The following FOXP1 variants were observed in gnomAD, a reference collection of about 807,000 sequenced individuals.
The protein encoded by FOXP1 is forkhead box protein P1.
Under a neutral mutation model 98.2 loss-of-function variants are expected in FOXP1, and 15 were observed. That is an observed-to-expected ratio of 0.15 (90% CI 0.10 to 0.24). FOXP1 has a LOEUF of 0.24. Ranked by LOEUF, FOXP1 falls within the 10% of genes least tolerant of loss-of-function variation. The probability of loss-of-function intolerance (pLI) is 1.00; values close to 1 mark genes in which losing one functional copy is unlikely to be tolerated. For missense variants in FOXP1, 633 were observed against 848.5 expected (o/e 0.75, Z 3.15); for synonymous variants, 371 against 314.5 (o/e 1.18, Z -1.90).
intron 13 of FOXP1, among the ~76,000 whole-genome samples, chr3:70,994,427 C>T (rs1216679310): frequency 6.6e-6 from 1 of 152,280 alleles, no homozygotes; most frequent in Non-Finnish European, 1.5e-5. Flanking sequence ...CTTCCACTAT[C>T]CTTTCTTCCT....
intron 4 of FOXP1, among the ~76,000 whole-genome samples, chr3:71,336,010 C>CAAAAAAAA (rs60051890): frequency 5.9e-5 from 2 of 34,088 alleles, no homozygotes; most frequent in African/African-American, 2.9e-4. Context: ...AACTCCATCT[C>CAAAAAAAA]AAAAAAAAAA....
At chr3:71,227,914 A>G (rs970619206) in intron 5 of FOXP1, among the ~76,000 whole-genome samples, 2 of 136,944 alleles carry the variant, frequency 1.5e-5, no homozygotes, top group African/African-American at 5.6e-5. Flanking sequence ...GCTAAAATGA[A>G]TAACTATATT....
At chr3:71,526,504 G>A (rs1038481259) in intron 2 of FOXP1, among the ~76,000 whole-genome samples, 2 of 152,168 alleles carry the variant, frequency 1.3e-5, no homozygotes, top group African/African-American at 4.8e-5. Flanking sequence ...AATATAGTAA[G>A]GGAATTCCAT....
chr3:70,963,233 A>T (rs1421864265), intron 20 of FOXP1, among the ~76,000 whole-genome samples: 1 of 152,210 alleles, frequency 6.6e-6, no homozygotes, highest in Non-Finnish European at 1.5e-5. Flanking sequence ...AACAAATGTT[A>T]ACTGGCTAGA....
chr3:70,960,408 C>T lies in FOXP1; in HGVS notation c.1890-1017G>A, dbSNP rs898992139. On this transcript the variant is annotated intron_variant, in intron 20 of 20. Transcript: ENST00000649528. ...TGCCAACTTTCTCATTATGGACCAGCGCATGGTTCACCCAAAGGGGACTGG... is the reference window on the plus strand; with the variant it reads ...TGCCAACTTTCTCATTATGGACCAGTGCATGGTTCACCCAAAGGGGACTGG... Among the ~76,000 whole-genome samples, 13 of 152,246 alleles carry T rather than the reference C, an allele frequency of 8.5e-5. No homozygotes were observed. In the South Asian group the frequency reaches 2.3e-3, roughly 27 times the overall value.
chr3:71,031,484 G>T (rs1484715350), intron 11 of FOXP1, among the ~76,000 whole-genome samples: 1 of 152,162 alleles, frequency 6.6e-6, no homozygotes, highest in Non-Finnish European at 1.5e-5. Flanking sequence ...GCCTCCTGGT[G>T]AATTTTCCAA....
intron 5 of FOXP1, among the ~76,000 whole-genome samples, chr3:71,205,181 G>A (rs1273042949): frequency 6.6e-6 from 1 of 152,026 alleles, no homozygotes; most frequent in Non-Finnish European, 1.5e-5. Context: ...GTCTGATAAG[G>A]GACGGCTAAA....
At chr3:70,989,772 G>A (rs1193894380) in intron 13 of FOXP1, among the ~76,000 whole-genome samples, 2 of 152,142 alleles carry the variant, frequency 1.3e-5, no homozygotes, top group Non-Finnish European at 2.9e-5. Context: ...GATATTTACT[G>A]AAGTCTGCTG....
At chr3:71,507,744 A>G (rs1297373250) in intron 2 of FOXP1, among the ~76,000 whole-genome samples, 1 of 151,884 alleles carries the variant, frequency 6.6e-6, no homozygotes, top group Admixed American at 6.6e-5. Context: ...TGCCCGGCTA[A>G]TTTTTTCTAT....
intron 7 of FOXP1, among the ~76,000 whole-genome samples, chr3:71,066,481 A>G (rs968367806): frequency 1.4e-4 from 21 of 152,242 alleles, no homozygotes; most frequent in African/African-American, 4.6e-4. Context: ...CTCTTTTGCG[A>G]GGTAGAAGGA....
chr3:71,049,273 C>A (rs1267531361), intron 9 of FOXP1, among the ~76,000 whole-genome samples: 1 of 152,090 alleles, frequency 6.6e-6, no homozygotes, highest in African/African-American at 2.4e-5. Context: ...CATAACTGCC[C>A]GGGACAAACG....
intron 7 of FOXP1, among the ~76,000 whole-genome samples, chr3:71,099,142 A>C (rs1236001472): frequency 1.3e-5 from 2 of 152,208 alleles, no homozygotes; most frequent in Admixed American, 1.3e-4. Flanking sequence ...CACAGCTAAA[A>C]CACGCATTTG....
At chr3:71,449,452 T>G (rs1473923233) in intron 3 of FOXP1, among the ~76,000 whole-genome samples, 1 of 152,222 alleles carries the variant, frequency 6.6e-6, no homozygotes, top group Non-Finnish European at 1.5e-5. Flanking sequence ...AGATGTACAC[T>G]GATGGGCAAC....
chr3:71,073,443 C>T (rs1197379590), intron 7 of FOXP1, among the ~76,000 whole-genome samples: 1 of 152,218 alleles, frequency 6.6e-6, no homozygotes, highest in Non-Finnish European at 1.5e-5. Context: ...GCCCTGTCAA[C>T]ATTCTTACGA....
chr3:71,266,645 AT>A (rs2069696952), intron 5 of FOXP1, among the ~76,000 whole-genome samples: 1 of 152,144 alleles, frequency 6.6e-6, no homozygotes, highest in Non-Finnish European at 1.5e-5. Context: ...TTATTGCATA[AT>A]GCTGAAGTTT....
intron 6 of FOXP1, among the ~76,000 whole-genome samples, chr3:71,129,967 A>G (rs1413176470): frequency 6.6e-6 from 1 of 152,194 alleles, no homozygotes; most frequent in African/African-American, 2.4e-5. Context: ...TGAATGAGAT[A>G]ATGACCGTGC....
At chr3:71,548,914 G>C (rs774609632) in intron 2 of FOXP1, among the ~76,000 whole-genome samples, 5 of 152,196 alleles carry the variant, frequency 3.3e-5, no homozygotes. Context: ...GCAGGACCAT[G>C]ATGAGGTAAA....
intron 2 of FOXP1, among the ~76,000 whole-genome samples, chr3:71,494,778 C>A (rs2091293693): frequency 6.6e-6 from 1 of 152,064 alleles, no homozygotes; most frequent in African/African-American, 2.4e-5. Flanking sequence ...CCAGGAGATG[C>A]TGATACTACC....
chr3:70,959,826 G>C (rs1404141329), intron 20 of FOXP1, among the ~76,000 whole-genome samples: 2 of 152,134 alleles, frequency 1.3e-5, no homozygotes, highest in Admixed American at 1.3e-4. Context: ...CAGGTCTGGG[G>C]TGGGGCCTGA....
Sources: allele counts gnomAD v4.1 joint callset (sites outside exome capture counted in the v4.1 genomes callset), GRCh38; gene constraint gnomAD v4.1.1; transcripts MANE v1.5; gene names NCBI Gene and HGNC (gene_info 2026-07-23, HGNC 2026-07-21).